The following PCDH15 variants were observed in gnomAD, a reference collection of about 807,000 sequenced individuals.
PCDH15 encodes protocadherin-15.
Under a neutral mutation model 178.5 loss-of-function variants are expected in PCDH15, and 129 were observed. That is an observed-to-expected ratio of 0.72 (90% CI 0.63 to 0.84). The LOEUF is 0.84. Ranked by LOEUF, PCDH15 falls within the 40% of genes least tolerant of loss-of-function variation. The pLI, the probability that PCDH15 is intolerant of heterozygous loss-of-function variation, is 0.00. For synonymous variants in PCDH15, 800 were observed against 732.0 expected, an observed-to-expected ratio of 1.09 and a Z score of -1.50; for missense variants, 2,230 against 2,099.9, an observed-to-expected ratio of 1.06 and a Z score of -1.21.
At chr10:54,358,002 C>T (rs1168976795) in intron 5 of PCDH15, among the ~76,000 whole-genome samples, 2 of 151,588 alleles carry the variant, frequency 1.3e-5, no homozygotes, top group Non-Finnish European at 2.9e-5. Context: ...ACACCTTATA[C>T]AAAAATTAAT....
chr10:55,469,992 T>A (rs1212799536), intron 2 of PCDH15, among the ~76,000 whole-genome samples: 1 of 152,170 alleles, frequency 6.6e-6, no homozygotes, highest in East Asian at 1.9e-4. Flanking sequence ...AATTGCTTTT[T>A]TACCTAGAAA....
intron 2 of PCDH15, among the ~76,000 whole-genome samples, chr10:55,146,020 A>G (rs1479611503): frequency 3.4e-5 from 3 of 87,490 alleles, no homozygotes; most frequent in Admixed American, 1.4e-4. Context: ...TAGCAAACCA[A>G]AGAAATTTTC....
At chr10:54,704,920 C>T (rs1464032165) in intron 1 of PCDH15, among the ~76,000 whole-genome samples, 1 of 152,130 alleles carries the variant, frequency 6.6e-6, no homozygotes, top group African/African-American at 2.4e-5. Context: ...GACATGGAAT[C>T]AATCAAAATG....
chr10:53,913,660 C>G (rs1257687214), intron 25 of PCDH15, among the ~76,000 whole-genome samples: 1 of 150,988 alleles, frequency 6.6e-6, no homozygotes, highest in Non-Finnish European at 1.5e-5. Flanking sequence ...AGGAGAATGG[C>G]GTGAACCCGG....
At chr10:54,955,795 CAA>C (rs1485753956) in intron 2 of PCDH15, among the ~76,000 whole-genome samples, 93 of 151,252 alleles carry the variant, frequency 6.1e-4, no homozygotes, top group African/African-American at 2.4e-5. Flanking sequence ...TGTAGCAGCG[CAA>C]TTAATTTATG....
intron 2 of PCDH15, among the ~76,000 whole-genome samples, chr10:55,549,905 C>T (rs545507788): frequency 6.9e-6 from 1 of 145,260 alleles, no homozygotes; most frequent in Non-Finnish European, 1.5e-5. Context: ...CTACGCCTCA[C>T]GCATGTGTTT....
chr10:54,157,450 T>C (rs2045275887), intron 13 of PCDH15, among the ~76,000 whole-genome samples: 1 of 152,116 alleles, frequency 6.6e-6, no homozygotes, highest in Admixed American at 6.5e-5. Flanking sequence ...CAGCCATGGC[T>C]GGAGTGGCTG....
chr10:54,210,804 A>G (rs988321151), intron 10 of PCDH15, among the ~76,000 whole-genome samples: 3 of 151,762 alleles, frequency 2.0e-5, no homozygotes, highest in African/African-American at 7.3e-5. Flanking sequence ...AAAAGGCAGC[A>G]TGCTAGATAG....
intron 35 of PCDH15, among the ~76,000 whole-genome samples, chr10:53,815,749 C>CA (rs1246262220): frequency 1.3e-5 from 2 of 151,504 alleles, no homozygotes; most frequent in African/African-American, 2.4e-5. Flanking sequence ...ATTTATTATA[C>CA]AAAAAATATC....
chr10:54,184,739 GAA>G (rs1349607847), intron 12 of PCDH15, among the ~76,000 whole-genome samples: 1 of 151,588 alleles, frequency 6.6e-6, no homozygotes, highest in Non-Finnish European at 1.5e-5. Context: ...TCACTGGAGG[GAA>G]AATTTATTCC....
At chr10:54,864,723 T>A (rs1249408103) in intron 3 of PCDH15, 1 of 152,148 alleles carries the variant, frequency 6.6e-6, no homozygotes, top group Non-Finnish European at 1.5e-5. Flanking sequence ...TTCAAATGAT[T>A]GGTCTTAGTC....
chr10:55,092,807 A>G (rs1000660047), intron 2 of PCDH15, among the ~76,000 whole-genome samples: 1 of 152,004 alleles, frequency 6.6e-6, no homozygotes, highest in Non-Finnish European at 1.5e-5. Context: ...TGATCAATTA[A>G]CAAAATACAT....
chr10:53,833,475 A>C (rs2132661470), intron 29 of PCDH15, among the ~76,000 whole-genome samples: 1 of 152,208 alleles, frequency 6.6e-6, no homozygotes, highest in East Asian at 1.9e-4. Flanking sequence ...TTCTTGAGTC[A>C]TAACATTATC....
rs187573984 is a variant in PCDH15 at position 54,368,967 on chromosome 10, T to C, written c.474+153A>G. Among the ~76,000 whole-genome samples the C allele has an allele frequency of 4.0e-3, 615 of 152,222 alleles. 2 individuals carry two copies. Among genetic ancestry groups the C allele is most frequent in the African/African-American group, 0.014 (594 of 41,552 alleles). ...TCCTAAAATAACATCGGAAGTCACA[T>C]ACTTCTTCTGAGTACTATTTTTTTA... On this transcript the variant is annotated intron_variant, in intron 5 of 37. Coordinates refer to ENST00000644397, the MANE Select transcript of PCDH15 (RefSeq NM_001384140.1).
At chr10:54,491,212 A>G (rs558038032) in intron 3 of PCDH15, among the ~76,000 whole-genome samples, 1 of 152,118 alleles carries the variant, frequency 6.6e-6, no homozygotes, top group African/African-American at 2.4e-5. Context: ...CTGAAGATTG[A>G]ATTTTAAATG....
intron 2 of PCDH15, among the ~76,000 whole-genome samples, chr10:55,330,356 C>T (rs903977500): frequency 6.6e-6 from 1 of 151,738 alleles, no homozygotes; most frequent in Non-Finnish European, 1.5e-5. Flanking sequence ...CATATAAAGC[C>T]ACTTTAACAG....
chr10:55,244,154 T>A (rs1029413599), intron 1 of PCDH15, among the ~76,000 whole-genome samples: 1 of 152,082 alleles, frequency 6.6e-6, no homozygotes, highest in African/African-American at 2.4e-5. Context: ...ATGCACAATC[T>A]CATAGTTCGA....
chr10:55,035,368 C>A (rs1564736155), intron 2 of PCDH15, among the ~76,000 whole-genome samples: 1 of 152,120 alleles, frequency 6.6e-6, no homozygotes, highest in Non-Finnish European at 1.5e-5. Context: ...TCTTTCCTTA[C>A]ACTGATTCAT....
intron 28 of PCDH15, among the ~76,000 whole-genome samples, chr10:53,845,913 G>T (rs1038898101): frequency 2.6e-5 from 4 of 151,422 alleles, no homozygotes; most frequent in Admixed American, 6.6e-5. Context: ...GGAGTTGATG[G>T]ATATTCCAAT....
Sources: gnomAD v4.1 joint callset for allele counts (sites outside exome capture counted in the v4.1 genomes callset) on GRCh38, gnomAD v4.1.1 for gene constraint, MANE v1.5 for transcripts, NCBI Gene and HGNC (gene_info 2026-07-23, HGNC 2026-07-21) for gene names.